ZNF124: variants seen among roughly 807,000 people sequenced by gnomAD.
The protein encoded by ZNF124 is zinc finger protein 124.
In ZNF124, 25 loss-of-function variants were observed where a neutral mutation model predicts 26.6. That is an observed-to-expected ratio of 0.94 (90% CI 0.68 to 1.31). The LOEUF is 1.31. Ranked by LOEUF, ZNF124 falls within the 40% of genes most tolerant of loss-of-function variation. The probability of loss-of-function intolerance (pLI) is 0.00; values close to 1 mark genes in which losing one functional copy is unlikely to be tolerated. For missense variants in ZNF124, 444 were observed against 422.2 expected (o/e 1.05, Z -0.45); for synonymous variants, 129 against 133.3 (o/e 0.97, Z 0.22).
chr1:247,138,815 T>C, intron 3 of ZNF124: 1 of 398,468 alleles, frequency 2.5e-6, no homozygotes, highest in Non-Finnish European at 4.4e-6. Context: ...GTGAACATGA[T>C]TGACAGTAAC....
chr1:247,143,379 T>C (rs527254749), intron 3 of ZNF124, among the ~76,000 whole-genome samples: 12 of 152,336 alleles, frequency 7.9e-5, no homozygotes, highest in African/African-American at 2.9e-4. Flanking sequence ...CACACACTGC[T>C]CTACAGCCCT....
intron 3 of ZNF124, among the ~76,000 whole-genome samples, chr1:247,144,783 T>TA (rs1409162279): frequency 6.6e-6 from 1 of 151,296 alleles, no homozygotes; most frequent in East Asian, 1.9e-4. Context: ...TTTCTTTCTT[T>TA]TTTTTTTTTT....
intron 3 of ZNF124, among the ~76,000 whole-genome samples, chr1:247,130,969 G>A (rs548447259): frequency 4.7e-4 from 71 of 152,250 alleles, no homozygotes; most frequent in South Asian, 2.9e-3. Flanking sequence ...CCAGCTACTC[G>A]GGAGGCTGAG....
At chr1:247,170,646 A>C (rs899458248) in intron 1 of ZNF124, among the ~76,000 whole-genome samples, 3 of 143,910 alleles carry the variant, frequency 2.1e-5, no homozygotes, top group Admixed American at 1.3e-4. Flanking sequence ...CCAGCTCCCC[A>C]AGTGAGCAAT....
chr1:247,124,259 A>T (rs1394288205), intron 3 of ZNF124, among the ~76,000 whole-genome samples: 1 of 150,996 alleles, frequency 6.6e-6, no homozygotes, highest in Non-Finnish European at 1.5e-5. Flanking sequence ...GCTGGAGTGC[A>T]AAGGTGTGAT....
intron 3 of ZNF124, among the ~76,000 whole-genome samples, chr1:247,157,718 TC>T (rs1381968429): frequency 6.6e-6 from 1 of 152,134 alleles, no homozygotes; most frequent in African/African-American, 2.4e-5. Context: ...ACAACATGGC[TC>T]CCTCCCCTAT....
intron 3 of ZNF124, among the ~76,000 whole-genome samples, chr1:247,147,205 A>T (rs1426209151): frequency 2.2e-5 from 3 of 135,720 alleles, no homozygotes; most frequent in African/African-American, 8.3e-5. Flanking sequence ...AAACTCAAGG[A>T]TTTCTGTTAG....
In ZNF124 at chr1:247,168,375, A is replaced by C. The variant is rs993234756; in HGVS notation, c.30+3473T>G. Among the ~76,000 whole-genome samples, 1 of 151,968 alleles carries C rather than the reference A, an allele frequency of 6.6e-6. No homozygotes were observed. Among genetic ancestry groups the C allele is most frequent in the Non-Finnish European group, 1.5e-5 (1 of 67,956 alleles). On this transcript the variant is annotated intron_variant, in intron 1 of 3. Coordinates refer to ENST00000543802, the MANE Select transcript of ZNF124 (RefSeq NM_001297568.2). The surrounding 1 kb of genome is among the most constrained non-coding windows in gnomAD (Gnocchi z 4.0). ...AAAACCCTGTCTCTACTAAAAATACAAAAAAAATTTAGCTGGGCGTGATGG... is the reference window on the plus strand; with the variant it reads ...AAAACCCTGTCTCTACTAAAAATACCAAAAAAATTTAGCTGGGCGTGATGG...
At chr1:247,144,889 C>G (rs956698099) in intron 3 of ZNF124, among the ~76,000 whole-genome samples, 11 of 152,142 alleles carry the variant, frequency 7.2e-5, no homozygotes, top group African/African-American at 2.7e-4. Flanking sequence ...AATTCTCCTG[C>G]CTCAGCCTCC....
intron 3 of ZNF124, chr1:247,138,682 G>A: frequency 2.5e-6 from 1 of 398,566 alleles, no homozygotes; most frequent in Non-Finnish European, 4.4e-6. Flanking sequence ...AGAGTGCAGA[G>A]AAAGAAAGGT....
At chr1:247,157,532 T>A (rs1257996952) in intron 3 of ZNF124, 129 bp from the exon 4 acceptor site, 13 of 800,030 alleles carry the variant, frequency 1.6e-5, no homozygotes, top group Non-Finnish European at 2.5e-5. Flanking sequence ...CTGACTTATT[T>A]AATTTTACAC....
downstream of ZNF124, among the ~76,000 whole-genome samples, chr1:247,150,987 T>C (rs1468026933): frequency 6.6e-6 from 1 of 152,046 alleles, no homozygotes; most frequent in Non-Finnish European, 1.5e-5. Flanking sequence ...TCCAGCTTCA[T>C]GTAAAGAACC....
intron 3 of ZNF124, among the ~76,000 whole-genome samples, chr1:247,142,743 G>A (rs947640171): frequency 6.6e-6 from 1 of 151,866 alleles, no homozygotes; most frequent in African/African-American, 2.4e-5. Context: ...TCTTCACCTG[G>A]CTCATATCAT....
chr1:247,124,290 A>G (rs1231142815), intron 3 of ZNF124, among the ~76,000 whole-genome samples: 2 of 147,888 alleles, frequency 1.4e-5, no homozygotes, highest in Admixed American at 6.8e-5. Flanking sequence ...TGCAACCTCC[A>G]CCTCCCAGGT....
At chr1:247,148,207 C>T (rs1166067810) in intron 3 of ZNF124, among the ~76,000 whole-genome samples, 1 of 152,204 alleles carries the variant, frequency 6.6e-6, no homozygotes, top group Non-Finnish European at 1.5e-5. Context: ...ACAACAACCT[C>T]GCTAACAGGT....
intron 3 of ZNF124, 93 bp from the exon 4 acceptor site, chr1:247,157,496 A>G: frequency 7.9e-7 from 1 of 1,269,994 alleles, no homozygotes; most frequent in African/African-American, 1.5e-5. Context: ...TCAGATTAAA[A>G]TTTGGCATCT....
intron 3 of ZNF124, among the ~76,000 whole-genome samples, chr1:247,137,487 C>CAAAAAAAAAAAAAAA (rs56926662): frequency 6.1e-5 from 5 of 81,642 alleles, no homozygotes; most frequent in Admixed American, 3.2e-4. Context: ...ACTAAAAATA[C>CAAAAAAAAAAAAAAA]AAAAAAAAAA....
exon 4 of ZNF124, chr1:247,123,611 G>A (rs1356826393): frequency 2.6e-5 from 12 of 461,932 alleles, no homozygotes; most frequent in South Asian, 1.1e-4. Context: ...TCCAAGATGC[G>A]TCAGAAGCAT....
chr1:247,153,190 C>A (rs1478757007), downstream of ZNF124, among the ~76,000 whole-genome samples: 2 of 151,814 alleles, frequency 1.3e-5, no homozygotes, highest in African/African-American at 2.4e-5. Flanking sequence ...TTAGTTTCAC[C>A]CTTAGAAATG....
Sources: allele counts gnomAD v4.1 joint callset (sites outside exome capture counted in the v4.1 genomes callset), GRCh38; gene constraint gnomAD v4.1.1; non-coding constraint Gnocchi (gnomAD v3.1); transcripts MANE v1.5; gene names NCBI Gene and HGNC (gene_info 2026-07-23, HGNC 2026-07-21).